The following SRRM2 variants were observed in gnomAD, a reference collection of about 807,000 sequenced individuals.
SRRM2 encodes the protein serine/arginine repetitive matrix protein 2.
SRRM2 carries 30 observed loss-of-function variants against 213.8 expected under a neutral mutation model. The observed-to-expected ratio is 0.14, with a 90% confidence interval of 0.10 to 0.19. SRRM2 has a LOEUF of 0.19. Among genes scored for constraint, SRRM2 ranks in the 10% least tolerant of loss-of-function variants. SRRM2 has a pLI of 1.00. For synonymous variants in SRRM2, 2,025 were observed against 1,377.7 expected (o/e 1.47, Z -10.40); for missense variants, 4,904 against 3,647.0 (o/e 1.34, Z -8.88).
At chr16:2,756,257 C>T (rs2068135919) in intron 1 of SRRM2, 77 bp from the exon 2 acceptor site, 1 of 1,298,350 alleles carries the variant, frequency 7.7e-7, no homozygotes, top group Non-Finnish European at 1.0e-6. Flanking sequence ...TGAAGGAGAG[C>T]AGGGACTTGG....
chr16:2,759,109 C>G, intron 6 of SRRM2, 31 bp from the exon 7 acceptor site: 1 of 1,614,056 alleles, frequency 6.2e-7, no homozygotes, highest in Middle Eastern at 1.6e-4. Context: ...AGAGGTGTTT[C>G]TTATGTTTTT....
Position 2,771,174 on chromosome 16 carries a change from G to T in SRRM2, c.*307G>T, listed in dbSNP as rs1567253288. 4.8e-6 allele frequency: 3 copies of T among 625,290 alleles called. No homozygotes were observed. Among genetic ancestry groups the T allele is most frequent in the Non-Finnish European group, 8.4e-6 (3 of 356,622 alleles). The allele number at this position is 625,290 out of a possible 1,614,324, so 38.7% of individuals were successfully genotyped here. On this transcript the variant is annotated 3_prime_UTR_variant, in exon 15 of 15. Coordinates refer to ENST00000301740, the MANE Select transcript of SRRM2 (RefSeq NM_016333.4). ...CTGGAGTCAGGGCCAGGGAGGCATG[G>T]CCCCACTTGTATCCAGAAGTTCCCA...
rs766268238 is a variant in SRRM2 at position 2,765,027 on chromosome 16, C to A, written c.4499C>A (p.Pro1500Gln). 1.2e-6 allele frequency: 2 copies of A among 1,613,978 alleles called. No individual in the cohort carries two copies. The highest frequency in any genetic ancestry group is 1.7e-6 in the Non-Finnish European group (2 of 1,180,014). The change falls in exon 11 of 15, where the codon CCA (proline) becomes CAA (glutamine). Residue 1500 changes from proline to glutamine, a missense_variant. Transcript: ENST00000301740. Reference sequence around the variant, plus strand: ...ACTCCTAGGCCGAGGAGTCGTTCTCCATCATCCCCAGAGCTCAACAACAAG... The same window carrying A: ...ACTCCTAGGCCGAGGAGTCGTTCTCAATCATCCCCAGAGCTCAACAACAAG... ...PQTPRPRSRSPSSPELNNKCL... is the reference protein window; with the variant it reads ...PQTPRPRSRSQSSPELNNKCL...
chr16:2,770,142 C>G (rs986819990), intron 12 of SRRM2: 1 of 1,430,194 alleles, frequency 7.0e-7, no homozygotes, highest in South Asian at 1.5e-5. Flanking sequence ...CTGTCTTTAT[C>G]TTTGCATCCC....
chr16:2,760,744 A>T (rs956083594), intron 10 of SRRM2: 1 of 488,668 alleles, frequency 2.0e-6, no homozygotes. Context: ...TTGTTTATAC[A>T]TAGATAGAAC....
intron 14 of SRRM2, 64 bp downstream of exon 14, chr16:2,770,781 C>A: frequency 6.2e-7 from 1 of 1,609,106 alleles, no homozygotes; most frequent in Non-Finnish European, 8.5e-7. Flanking sequence ...GTGGCGGCCC[C>A]ATTTTGGGAG....
Position 2,764,574 on chromosome 16 carries a change from C to G in SRRM2, c.4046C>G (p.Ser1349Cys), listed in dbSNP as rs145200443. 1.2e-6 allele frequency: 2 copies of G among 1,614,070 alleles called. No homozygotes were observed. Among genetic ancestry groups the G allele is most frequent in the African/African-American group, 1.3e-5 (1 of 74,908 alleles). ...ACAGAAATGAATACTGGATTTTCTT[C>G]TGAGGTTAAAGAAGATTTGAATGGA... ...LGTEMNTGFS[S>C]EVKEDLNGPF... The change falls in exon 11 of 15, where the codon TCT (serine) becomes TGT (cysteine). Residue 1349 changes from serine (S) to cysteine (C), a missense_variant. Transcript: ENST00000301740.
In SRRM2 at chr16:2,764,230, A is replaced by C; in HGVS notation, c.3702A>C (p.Gln1234His). The C allele has an allele frequency of 6.2e-6, 10 of 1,614,220 alleles. No homozygotes were observed. Among genetic ancestry groups the C allele is most frequent in the Non-Finnish European group, 8.5e-6 (10 of 1,180,046 alleles). The part of the protein sequence containing the change: ...EQNSALPTSS[Q>H]DEELMEVVEK... ...ATAGTGCATTGCCTACGTCAAGCCA[A>C]GATGAAGAGTTAATGGAGGTGGTAG... The change falls in exon 11 of 15, where the codon CAA becomes CAC. Residue 1234 changes from glutamine to histidine, a missense_variant. Physicochemically the swap from Gln to His is conservative, Grantham distance 24. Coordinates refer to ENST00000301740, the MANE Select transcript of SRRM2 (RefSeq NM_016333.4).
At position 2,765,511 on chromosome 16, in the gene SRRM2, T is replaced by G; in HGVS notation, c.4983T>G (p.His1661Gln). Residue 1661 changes from histidine to glutamine, a missense_variant, in exon 11 of 15, where the codon CAT becomes CAG. Transcript: ENST00000301740. ...GCAGTACCGAGTCCTCTCCTGAACA[T>G]CCGCCCAAATCCAGAACTGCTCGCA... ...GSSSTESSPE[H>Q]PPKSRTARRG... The G allele has an allele frequency of 3.7e-6, 6 of 1,614,072 alleles. No individual in the cohort carries two copies. Among genetic ancestry groups the G allele is most frequent in the Non-Finnish European group, 5.1e-6 (6 of 1,180,014 alleles).
rs756573169 is a variant in SRRM2, at chr16:2,761,790, G to T, written c.1262G>T (p.Ser421Ile). ...KLPQSSSSES[S>I]PPSPQPTKVS... ...CCCCAGTCTTCTTCCTCAGAGAGCAGCCCACCATCCCCTCAACCTACCAAA... is the reference window on the plus strand; with the variant it reads ...CCCCAGTCTTCTTCCTCAGAGAGCATCCCACCATCCCCTCAACCTACCAAA... The change falls in exon 11 of 15, where the codon AGC (serine) becomes ATC (isoleucine). Residue 421 changes from serine to isoleucine, a missense_variant. Transcript: ENST00000301740. The T allele has an allele frequency of 1.2e-6, 2 of 1,613,912 alleles. No individual in the cohort carries two copies.
Position 2,771,100 on chromosome 16 carries a change from T to A in SRRM2, c.*233T>A. 2.3e-6 allele frequency: 1 copy of A among 435,412 alleles called. No individual in the cohort carries two copies. The highest frequency in any genetic ancestry group is 7.0e-4 in the Middle Eastern group (1 of 1,436). 27.0% of individuals were successfully genotyped at this position (435,412 alleles called of 1,614,324 possible). A position where few individuals can be genotyped will look rare whatever the true frequency, so the allele number is the denominator to read the frequency against. ...CTGGGGGGTTTGGGGTGGGAGGGAA[T>A]GCAGATGGGAGTTGGGGGAGGGGAG... On this transcript the variant is annotated 3_prime_UTR_variant, in exon 15 of 15. Transcript: ENST00000301740.
rs759898312 is a variant in SRRM2 at position 2,769,138 on chromosome 16, C to T, written c.7875C>T (p.Ser2625=). The T allele has an allele frequency of 2.4e-5, 38 of 1,555,508 alleles. 1 individual carries two copies. Among genetic ancestry groups the T allele is most frequent in the African/African-American group, 2.7e-5 (2 of 73,678 alleles). The change falls in exon 12 of 15, where the codon TCC becomes TCT. Residue 2625 remains serine (S), a synonymous_variant. Coordinates refer to ENST00000301740, the MANE Select transcript of SRRM2 (RefSeq NM_016333.4). The part of the protein sequence containing the change: ...SSSSSSSSSS[S]SSSSSSSSSS... Reference sequence around the variant, plus strand: ...CATCTTCCTCCTCCTCCTCCTCCTCCTCTTCTTCCTCCTCCTCTTCCTCTT... The same window carrying T: ...CATCTTCCTCCTCCTCCTCCTCCTCTTCTTCTTCCTCCTCCTCTTCCTCTT...
At position 2,764,376 on chromosome 16, in the gene SRRM2, C is replaced by T. The variant is rs145759637; in HGVS notation, c.3848C>T (p.Thr1283Ile). 6.8e-6 allele frequency: 11 copies of T among 1,614,034 alleles called. No homozygotes were observed. The highest frequency in any genetic ancestry group is 5.3e-5 in the African/African-American group (4 of 74,930). ...EVEERPAVSL[T>I]LDQSQSQASL... ...GAAGAAAGGCCTGCTGTGTCTTTGA[C>T]TCTTGATCAGAGCCAGTCACAGGCT... The change falls in exon 11 of 15, where the codon ACT becomes ATT. Residue 1283 changes from threonine (T) to isoleucine (I), a missense_variant. Transcript: ENST00000301740.
rs146807383 is a variant in SRRM2 at position 2,763,534 on chromosome 16, A to G, written c.3006A>G (p.Gln1002=). 141 of 1,614,164 alleles carry G rather than the reference A, an allele frequency of 8.7e-5. No individual in the cohort carries two copies. Among genetic ancestry groups the G allele is most frequent in the Admixed American group, 4.3e-4 (26 of 60,018 alleles). The change falls in exon 11 of 15, where the codon CAA becomes CAG. Residue 1002 remains glutamine (Q), a synonymous_variant. Transcript: ENST00000301740. Reference sequence around the variant, plus strand: ...CACCATACCCCAAAGTAAAGGCCCAAACTCCACCGGGGCCAAGTCTTTCTG... The same window carrying G: ...CACCATACCCCAAAGTAAAGGCCCAGACTCCACCGGGGCCAAGTCTTTCTG... ...SISPYPKVKA[Q]TPPGPSLSGS...
chr16:2,753,901 C>G (rs925696492), intron 1 of SRRM2, among the ~76,000 whole-genome samples: 5 of 152,066 alleles, frequency 3.3e-5, no homozygotes, highest in African/African-American at 4.8e-5. Context: ...CTTGTCTCCC[C>G]TTTTTCTCCC....
intron 1 of SRRM2, among the ~76,000 whole-genome samples, chr16:2,753,828 C>T (rs959200422): frequency 6.6e-5 from 10 of 152,320 alleles, no homozygotes; most frequent in African/African-American, 2.4e-4. Flanking sequence ...TCCACTCAGC[C>T]GCTCTGGAGC....
rs1263040741 is a variant in SRRM2 at position 2,770,608 on chromosome 16, A to G, written c.8140A>G (p.Ser2714Gly). The change falls in exon 14 of 15, where the codon AGC becomes GGC. Residue 2714 changes from serine (S) to glycine (G), a missense_variant. Transcript: ENST00000301740. ...GATGTCTGTCCTGTGTTGCAGCAGC[A>G]GCAGTGAGCGGGGTTCCCGGAGAGG... ...QPSPRDQQSS[S>G]SERGSRRGQR... 6.4e-7 allele frequency: 1 copy of G among 1,553,180 alleles called. No individual in the cohort carries two copies. Among genetic ancestry groups the G allele is most frequent in the East Asian group, 2.4e-5 (1 of 41,090 alleles).
chr16:2,752,812 C>G lies in SRRM2; in HGVS notation c.-66C>G, dbSNP rs536467701. The G allele has an allele frequency of 6.2e-6, 2 of 323,134 alleles. No individual in the cohort carries two copies. The highest frequency in any genetic ancestry group is 2.3e-5 in the African/African-American group (1 of 43,734). The allele number at this position is 323,134 out of a possible 1,614,324, so 20.0% of individuals were successfully genotyped here. A position where few individuals can be genotyped will look rare whatever the true frequency, so the allele number is the denominator to read the frequency against. On this transcript the variant is annotated 5_prime_UTR_variant, in exon 1 of 15. Coordinates refer to ENST00000301740, the MANE Select transcript of SRRM2 (RefSeq NM_016333.4). The stretch of plus-strand genomic sequence containing the variant: ...GCTCGAGCAGCGGCGGCGGCAAGAC[C>G]TCTCCCCCTCGGAGGCGGCGGGCGG...
At position 2,765,467 on chromosome 16, in the gene SRRM2, C is replaced by T. The variant is rs1163709137; in HGVS notation, c.4939C>T (p.Pro1647Ser). Residue 1647 changes from proline (P) to serine (S), a missense_variant, in exon 11 of 15, where the codon CCT becomes TCT. Physicochemically the swap from Pro to Ser is moderately conservative, Grantham distance 74 (BLOSUM62 -1). Coordinates refer to ENST00000301740, the MANE Select transcript of SRRM2 (RefSeq NM_016333.4). ...RSGSSSKGRG[P>S]SPEGSSSTES... ...AGGTTCATCAAGCAAAGGCAGAGGC[C>T]CTTCTCCTGAAGGAAGCAGCAGTAC... 1.1e-5 allele frequency: 18 copies of T among 1,614,056 alleles called. No individual in the cohort carries two copies. Among genetic ancestry groups the T allele is most frequent in the East Asian group, 2.2e-5 (1 of 44,896 alleles).
Sources: gnomAD v4.1 joint callset for allele counts (sites outside exome capture counted in the v4.1 genomes callset) on GRCh38, gnomAD v4.1.1 for gene constraint, MANE v1.5 for transcripts, NCBI Gene and HGNC (gene_info 2026-07-23, HGNC 2026-07-21) for gene names.